Variants in TTC12 observed in about 807,000 individuals in gnomAD.
TTC12 encodes the protein tetratricopeptide repeat protein 12.
Under a neutral mutation model 90.1 loss-of-function variants are expected in TTC12, and 70 were observed. That is an observed-to-expected ratio of 0.78 (90% confidence interval 0.64 to 0.95). The LOEUF (loss-of-function observed/expected upper bound fraction) is 0.95. Ranked by LOEUF, TTC12 falls within the 40% of genes least tolerant of loss-of-function variation. The pLI is 0.00. For synonymous variants in TTC12, 296 were observed against 311.5 expected (o/e 0.95, Z 0.53); for missense variants, 819 against 846.1 (o/e 0.97, Z 0.40).
chr11:113,332,270 C>T (rs1194316099), intron 7 of TTC12, among the ~76,000 whole-genome samples: 1 of 152,134 alleles, frequency 6.6e-6, no homozygotes, highest in Non-Finnish European at 1.5e-5. Flanking sequence ...TCGTGAGGGT[C>T]GACACATGAT....
chr11:113,357,343 T>C (rs1266413653), intron 16 of TTC12, among the ~76,000 whole-genome samples: 2 of 152,344 alleles, frequency 1.3e-5, no homozygotes, highest in South Asian at 2.1e-4. Context: ...TTCATTATGA[T>C]TTTTGGCTTT....
At chr11:113,368,152 A>G, downstream of TTC12, 2 of 1,357,118 alleles carry the variant, frequency 1.5e-6, no homozygotes, top group Non-Finnish European at 1.9e-6. Flanking sequence ...AAGAGTGGGG[A>G]ATGTCAAATT....
chr11:113,349,696 G>T (rs1172447895), intron 13 of TTC12, among the ~76,000 whole-genome samples: 1 of 152,114 alleles, frequency 6.6e-6, no homozygotes, highest in African/African-American at 2.4e-5. Context: ...TTATTAGGGG[G>T]CCCTCCCACT....
downstream of TTC12, chr11:113,366,388 C>T: frequency 1.3e-6 from 2 of 1,583,140 alleles, no homozygotes; most frequent in East Asian, 2.2e-5. Flanking sequence ...GATGTATCCA[C>T]TTCAGAATCA....
At chr11:113,349,816 G>T (rs559907157) in intron 13 of TTC12, among the ~76,000 whole-genome samples, 1 of 152,132 alleles carries the variant, frequency 6.6e-6, no homozygotes, top group Non-Finnish European at 1.5e-5. Flanking sequence ...CTGAGCTGGC[G>T]TCCGATAATC....
chr11:113,323,412 G>C lies in TTC12; in HGVS notation c.183G>C (p.Leu61Phe). The C allele has an allele frequency of 6.2e-7, 1 of 1,611,154 alleles. No homozygotes were observed. The highest frequency in any genetic ancestry group is 8.5e-7 in the Non-Finnish European group (1 of 1,179,190). ...AGGAGGATGAATGCAGGACCACCTT[G>C]AACAAGACTATGATCAGTCCTCCAC... The part of the protein sequence containing the change: ...DQEEDECRTT[L>F]NKTMISPPQT... Residue 61 changes from leucine (L) to phenylalanine (F), a missense_variant, in exon 3 of 22, where the codon TTG (leucine) becomes TTC (phenylalanine). Transcript: ENST00000529221.
chr11:113,372,374 T>C (rs929312260), intron 21 of TTC12, among the ~76,000 whole-genome samples: 2 of 152,216 alleles, frequency 1.3e-5, no homozygotes, highest in African/African-American at 4.8e-5. Context: ...AGGAGAATCC[T>C]CTGAAACATC....
chr11:113,317,763 C>T (rs1386864014), intron 2 of TTC12, among the ~76,000 whole-genome samples: 3 of 152,058 alleles, frequency 2.0e-5, no homozygotes, highest in African/African-American at 7.2e-5. Flanking sequence ...GTTTCACACT[C>T]TGCACTGGAT....
rs1225617312 is a variant in TTC12, at chr11:113,366,331, C to T, written c.*31C>T. 1 of 1,611,534 alleles carries T rather than the reference C, an allele frequency of 6.2e-7. No homozygotes were observed. Among genetic ancestry groups the T allele is most frequent in the Non-Finnish European group, 8.5e-7 (1 of 1,179,866 alleles). The stretch of plus-strand genomic sequence containing the variant: ...ACAGGGTTTGTGTGCATTTGGGGAA[C>T]ACACAGATGCACACCGTGTGTTGTT... On this transcript the variant is annotated 3_prime_UTR_variant, in exon 22 of 22. Coordinates refer to ENST00000529221, the MANE Select transcript of TTC12 (RefSeq NM_017868.4).
rs542902022 is a variant in TTC12, at chr11:113,348,288, A to C, written c.1155-1785A>C. On this transcript the variant is annotated intron_variant, in intron 13 of 21. Transcript: ENST00000529221. ...CAGTCGCCTAAGCCAATGTCCTGGA[A>C]GTGACCTGGCTCTCCCTCACCACAT... Among the ~76,000 whole-genome samples, 74 of 152,304 alleles carry C rather than the reference A, an allele frequency of 4.9e-4. 1 individual carries two copies. The highest frequency in any genetic ancestry group is 4.3e-3 in the Admixed American group (66 of 15,302).
intron 2 of TTC12, among the ~76,000 whole-genome samples, chr11:113,322,058 T>C (rs1555138751): frequency 6.6e-6 from 1 of 152,212 alleles, no homozygotes; most frequent in East Asian, 1.9e-4. Context: ...TATTAAAGCA[T>C]GCTGGAGAAA....
chr11:113,339,393 C>T lies in TTC12; in HGVS notation c.745C>T (p.Leu249=). ...KNTAVTTKNL[L]ETLSKPDQIP... is the part of the protein sequence containing the mutation. ...CACAGCCGTGACCACCAAGAACCTC[C>T]TGGAGACCCTTTCCAAGCCTGACCA... The change falls in exon 10 of 22, where the codon CTG becomes TTG. Residue 249 remains leucine, a synonymous_variant. Transcript: ENST00000529221. The T allele has an allele frequency of 1.2e-6, 2 of 1,614,060 alleles. No homozygotes were observed. Among genetic ancestry groups the T allele is most frequent in the Non-Finnish European group, 1.7e-6 (2 of 1,180,002 alleles).
At chr11:113,326,842 A>G (rs1383972768) in intron 6 of TTC12, among the ~76,000 whole-genome samples, 2 of 152,222 alleles carry the variant, frequency 1.3e-5, no homozygotes, top group Non-Finnish European at 2.9e-5. Flanking sequence ...TTTTTCCCCT[A>G]ATGCTTTATT....
intron 6 of TTC12, among the ~76,000 whole-genome samples, chr11:113,328,783 A>G (rs1463253110): frequency 2.6e-5 from 4 of 152,076 alleles, no homozygotes; most frequent in Non-Finnish European, 5.9e-5. Flanking sequence ...AACTCCCCCA[A>G]TCCTCCCATT....
intron 17 of TTC12, 112 bp downstream of exon 17, chr11:113,359,573 T>G: frequency 1.3e-6 from 1 of 754,932 alleles, no homozygotes; most frequent in Non-Finnish European, 2.3e-6. Context: ...ACTCACACAC[T>G]GGCCGTGGAA....
chr11:113,365,395 A>T, intron 21 of TTC12: 2 of 234,974 alleles, frequency 8.5e-6, no homozygotes, highest in South Asian at 1.5e-4. Context: ...CCTCCCTCCC[A>T]CTCCACCTCC....
At chr11:113,317,098 C>G (rs1339583884) in intron 2 of TTC12, among the ~76,000 whole-genome samples, 1 of 152,212 alleles carries the variant, frequency 6.6e-6, no homozygotes. Flanking sequence ...TTCCATGGAG[C>G]TCTGGCCTTG....
chr11:113,352,037 C>G (rs781897903), intron 15 of TTC12, 33 bp from the exon 16 acceptor site: 27 of 1,609,278 alleles, frequency 1.7e-5, no homozygotes, highest in Non-Finnish European at 2.3e-5. Context: ...TGCCTGCTCT[C>G]TGAGGCTCTG....
chr11:113,321,876 C>T (rs1947357689), intron 2 of TTC12, among the ~76,000 whole-genome samples: 1 of 152,158 alleles, frequency 6.6e-6, no homozygotes, highest in Admixed American at 6.5e-5. Flanking sequence ...TGACAGTTGA[C>T]CATGGATATA....
Sources: gnomAD v4.1 joint callset for allele counts (sites outside exome capture counted in the v4.1 genomes callset) on GRCh38, gnomAD v4.1.1 for gene constraint, MANE v1.5 for transcripts, NCBI Gene and HGNC (gene_info 2026-07-23, HGNC 2026-07-21) for gene names.